The following PKNOX2 variants were observed in gnomAD, a reference collection of about 807,000 sequenced individuals.
PKNOX2 encodes the protein PBX/knotted 1 homeobox 2.
A neutral mutation model predicts 53.1 loss-of-function variants in PKNOX2; 14 were observed. That is an observed-to-expected ratio of 0.26 (90% CI 0.17 to 0.41). The LOEUF (loss-of-function observed/expected upper bound fraction) is 0.41, where lower values mean the gene tolerates loss of function less well. Ranked by LOEUF, PKNOX2 falls within the 10% of genes least tolerant of loss-of-function variation. The probability of loss-of-function intolerance (pLI) is 1.00; values close to 1 mark genes in which losing one functional copy is unlikely to be tolerated. For synonymous variants in PKNOX2, 257 were observed against 242.8 expected (o/e 1.06, Z -0.54); for missense variants, 496 against 602.8 (o/e 0.82, Z 1.85).
intron 5 of PKNOX2, among the ~76,000 whole-genome samples, chr11:125,377,805 T>G (rs1952930900): frequency 6.6e-6 from 1 of 152,154 alleles, no homozygotes; most frequent in East Asian, 1.9e-4. Context: ...AAAAATCTCA[T>G]AATGTTTTAA....
In PKNOX2 at chr11:125,240,105, T is replaced by A. The variant is rs1413500745; in HGVS notation, c.-130+4990T>A. On this transcript the variant is annotated intron_variant, in intron 2 of 12. Coordinates refer to ENST00000298282, the MANE Select transcript of PKNOX2 (RefSeq NM_001382323.2). This position sits in a 1 kb window ranked among gnomAD's most constrained non-coding sequence, Gnocchi z 4.3. ...ATCTGGCGGCAGAGAGGCCGATTGA[T>A]GAGATGCCGAGGTCTGCAGCCCCAA... 6.6e-6 allele frequency: 1 copy of A among 152,056 alleles called. No homozygotes were observed. Among genetic ancestry groups the A allele is most frequent in the East Asian group, 1.9e-4 (1 of 5,166 alleles). The allele number at this position is 152,056 out of a possible 1,614,324, so 9.4% of individuals were successfully genotyped here. A position where few individuals can be genotyped will look rare whatever the true frequency, so the allele number is the denominator to read the frequency against.
intron 1 of PKNOX2, among the ~76,000 whole-genome samples, chr11:125,224,161 G>A (rs1941471702): frequency 6.6e-6 from 1 of 152,252 alleles, no homozygotes; most frequent in African/African-American, 2.4e-5. Flanking sequence ...CAGCCCAACA[G>A]AGGGTTCTTC....
At chr11:125,281,885 C>A (rs1379398413) in intron 2 of PKNOX2, among the ~76,000 whole-genome samples, 1 of 152,172 alleles carries the variant, frequency 6.6e-6, no homozygotes, top group Non-Finnish European at 1.5e-5. Flanking sequence ...TCTGAACTCA[C>A]ATGAAACCTT....
chr11:125,427,313 G>A (rs574500013), intron 10 of PKNOX2, among the ~76,000 whole-genome samples: 5 of 152,238 alleles, frequency 3.3e-5, no homozygotes, highest in South Asian at 4.1e-4. Context: ...TCTTAATACC[G>A]TATGAATCAC....
At chr11:125,325,162 C>A (rs969601522) in intron 2 of PKNOX2, among the ~76,000 whole-genome samples, 1 of 152,196 alleles carries the variant, frequency 6.6e-6, no homozygotes, top group Non-Finnish European at 1.5e-5. Flanking sequence ...CCCCCAGGCC[C>A]CTTTCTCCAG....
rs377018501 is a variant in PKNOX2 at position 125,318,973 on chromosome 11, A to G, written c.-129-12846A>G. 2.0e-5 allele frequency among the ~76,000 whole-genome samples: 3 copies of G among 152,304 alleles called. No individual in the cohort carries two copies. In the South Asian group the frequency reaches 6.2e-4, roughly 32 times the overall value. ...TAAGTTTCCTGAGGCCTCCCCAGTC[A>G]TGCTGAATTGTGAGTTGGTTAAACT... On this transcript the variant is annotated intron_variant, in intron 2 of 12. Coordinates refer to ENST00000298282, the MANE Select transcript of PKNOX2 (RefSeq NM_001382323.2).
intron 7 of PKNOX2, among the ~76,000 whole-genome samples, chr11:125,406,352 C>A (rs937090660): frequency 1.3e-5 from 2 of 152,200 alleles, no homozygotes; most frequent in Non-Finnish European, 2.9e-5. Context: ...GGGACTCGAC[C>A]ATTGCCCAGG....
rs35679690 is a variant in PKNOX2 at position 125,250,065 on chromosome 11, CAAAAAAAAAA to C, written c.-130+14967_-130+14976del. Among the ~76,000 whole-genome samples, 5 of 46,984 alleles carry C rather than the reference CAAAAAAAAAA, an allele frequency of 1.1e-4. 1 individual carries two copies. The highest frequency in any genetic ancestry group is 1.4e-4 in the Non-Finnish European group (4 of 27,672). 30.8% of individuals were successfully genotyped at this position (46,984 alleles called of 152,430 possible). A position where few individuals can be genotyped will look rare whatever the true frequency, so the allele number is the denominator to read the frequency against. Reference sequence around the variant, plus strand: ...GGGCAACAGGAGCAAAACTCTGTCTCAAAAAAAAAAAAAAAAAAAAAAAAAACAATTTAGA... The same window carrying C: ...GGGCAACAGGAGCAAAACTCTGTCTCAAAAAAAAAAAAAAAACAATTTAGA... On this transcript the variant is annotated intron_variant, in intron 2 of 12. Transcript: ENST00000298282.
intron 8 of PKNOX2, 34 bp downstream of exon 8, chr11:125,410,359 A>T: frequency 6.2e-7 from 1 of 1,612,270 alleles, no homozygotes; most frequent in Non-Finnish European, 8.5e-7. Flanking sequence ...TGATTGTGGG[A>T]ATTCCCTGGG....
At chr11:125,409,053 C>T (rs146768062) in intron 7 of PKNOX2, among the ~76,000 whole-genome samples, 128 of 152,278 alleles carry the variant, frequency 8.4e-4, no homozygotes, top group African/African-American at 3.0e-3. Context: ...GGTTCAAGCC[C>T]CGTCTTCAGA....
intron 7 of PKNOX2, among the ~76,000 whole-genome samples, chr11:125,406,281 G>C (rs4553379): frequency 0.39 from 58,602 of 152,096 alleles, 11,771 homozygotes; most frequent in Middle Eastern, 0.48. Context: ...GACTAAGCCT[G>C]GACTGGAAAT....
At chr11:125,378,332 G>T (rs548952289) in intron 5 of PKNOX2, among the ~76,000 whole-genome samples, 2 of 152,316 alleles carry the variant, frequency 1.3e-5, no homozygotes, top group Admixed American at 6.5e-5. Flanking sequence ...CTGAGCAGTG[G>T]GACCCTGACC....
At position 125,313,453 on chromosome 11, in the gene PKNOX2, A is replaced by T. The variant is rs117389729; in HGVS notation, c.-129-18366A>T. Among the ~76,000 whole-genome samples the T allele has an allele frequency of 1.3e-3, 203 of 152,312 alleles. 6 individuals carry two copies. The East Asian group carries it at 0.032, about 24-fold the overall frequency. The stretch of plus-strand genomic sequence containing the variant: ...CAGAAACCAGGTCTGACTCATCTTT[A>T]TTCCCCTCAAGGAGTTCCTGGAATC... On this transcript the variant is annotated intron_variant, in intron 2 of 12. Coordinates refer to ENST00000298282, the MANE Select transcript of PKNOX2 (RefSeq NM_001382323.2).
At chr11:125,264,173 C>A (rs575996706) in intron 2 of PKNOX2, among the ~76,000 whole-genome samples, 16 of 152,134 alleles carry the variant, frequency 1.1e-4, no homozygotes, top group Admixed American at 3.9e-4. Flanking sequence ...CTACAAGGGA[C>A]CTCCATCCAT....
intron 2 of PKNOX2, among the ~76,000 whole-genome samples, chr11:125,299,359 G>A (rs1031065512): frequency 4.6e-5 from 7 of 152,104 alleles, no homozygotes; most frequent in Non-Finnish European, 8.8e-5. Context: ...AAACCCAGCT[G>A]TAGTCTGAGT....
At chr11:125,266,621 G>A (rs1453458460) in intron 2 of PKNOX2, 1 of 152,202 alleles carries the variant, frequency 6.6e-6, no homozygotes, top group Non-Finnish European at 1.5e-5. Flanking sequence ...AGTAAGAAGG[G>A]AGAACGTTTT....
intron 2 of PKNOX2, among the ~76,000 whole-genome samples, chr11:125,328,598 T>C (rs1413029838): frequency 6.6e-6 from 1 of 152,194 alleles, no homozygotes; most frequent in Non-Finnish European, 1.5e-5. Context: ...AAAAGGCTGA[T>C]GTTAGCAAAG....
intron 5 of PKNOX2, among the ~76,000 whole-genome samples, chr11:125,384,694 A>G (rs1202376536): frequency 2.0e-5 from 3 of 152,160 alleles, no homozygotes; most frequent in Non-Finnish European, 4.4e-5. Context: ...CAAAAAAAAC[A>G]AAAAGATCCA....
At chr11:125,169,599 G>A (rs1321924261) in intron 1 of PKNOX2, among the ~76,000 whole-genome samples, 1 of 152,144 alleles carries the variant, frequency 6.6e-6, no homozygotes, top group Non-Finnish European at 1.5e-5. Context: ...TCTAGCTTCT[G>A]GGCCTTGGTT....
Sources: gnomAD v4.1 joint callset for allele counts (sites outside exome capture counted in the v4.1 genomes callset) on GRCh38, gnomAD v4.1.1 for gene constraint, Gnocchi (gnomAD v3.1) non-coding constraint, MANE v1.5 for transcripts, NCBI Gene and HGNC (gene_info 2026-07-23, HGNC 2026-07-21) for gene names.